The following DMD variants were observed in gnomAD, a reference collection of about 807,000 sequenced individuals.
DMD encodes mutant dystrophin.
DMD carries 63 observed loss-of-function variants against 330.1 expected under a neutral mutation model. The ratio of observed to expected loss-of-function variants is 0.19; its 90% CI spans 0.16 to 0.24. The LOEUF is 0.24. Ranked by LOEUF, DMD falls within the 10% of genes least tolerant of loss-of-function variation. The probability of loss-of-function intolerance (pLI) is 1.00; values close to 1 mark genes in which losing one functional copy is unlikely to be tolerated. For synonymous variants in DMD, 1,223 were observed against 959.8 expected (o/e 1.27, Z -5.07); for missense variants, 3,344 against 2,684.1 (o/e 1.25, Z -5.43).
chrX:32,241,100 T>A (rs1196974451), intron 43 of DMD, among the ~76,000 whole-genome samples: 1 of 112,177 alleles, frequency 8.9e-6, no homozygotes, highest in African/African-American at 3.2e-5. Flanking sequence ...TTGTTTTTAT[T>A]CCCTTAGCGT....
chrX:32,054,166 G>C (rs1341341053), intron 44 of DMD, among the ~76,000 whole-genome samples: 4 of 102,953 alleles, frequency 3.9e-5, no homozygotes, highest in African/African-American at 1.4e-4. Context: ...AAGAAAATAA[G>C]TCAGGAGCAT....
intron 44 of DMD, among the ~76,000 whole-genome samples, chrX:32,115,457 G>A (rs753087019): frequency 9.0e-6 from 1 of 111,011 alleles, no homozygotes; most frequent in East Asian, 2.9e-4. Flanking sequence ...TACCCAGGCT[G>A]GTCTTGGACT....
At chrX:31,523,145 C>T (rs1339659002) in intron 55 of DMD, among the ~76,000 whole-genome samples, 1 of 110,961 alleles carries the variant, frequency 9.0e-6, no homozygotes, top group African/African-American at 3.3e-5. Flanking sequence ...TAGAAGTTCC[C>T]AAGTGATGCC....
intron 1 of DMD, among the ~76,000 whole-genome samples, chrX:33,313,906 C>T (rs1417126329): frequency 9.0e-6 from 1 of 110,872 alleles, no homozygotes; most frequent in Non-Finnish European, 1.9e-5. Context: ...TTCATAATCC[C>T]AAGTCAAACC....
At chrX:32,424,725 A>G (rs1470219018) in intron 29 of DMD, among the ~76,000 whole-genome samples, 2 of 110,225 alleles carry the variant, frequency 1.8e-5, no homozygotes, top group Non-Finnish European at 3.8e-5. Context: ...ACATTTTGGG[A>G]AAAACAGCCA....
chrX:32,355,300 T>C (rs190051344), intron 37 of DMD, among the ~76,000 whole-genome samples: 148 of 111,279 alleles, frequency 1.3e-3, no homozygotes, highest in African/African-American at 4.8e-3. Flanking sequence ...GACTGAGATC[T>C]AGTATTTGCT....
At chrX:32,668,091 G>C (rs1438411374) in intron 9 of DMD, among the ~76,000 whole-genome samples, 4 of 110,926 alleles carry the variant, frequency 3.6e-5, no homozygotes, top group Non-Finnish European at 5.7e-5. Context: ...GGAGGTTGCA[G>C]TGAGCCGAGA....
intron 1 of DMD, among the ~76,000 whole-genome samples, chrX:33,040,499 CTG>C (rs1359039320): frequency 9.0e-6 from 1 of 110,777 alleles, no homozygotes. Flanking sequence ...TTGCTGAAAA[CTG>C]AGGATGGAAC....
intron 1 of DMD, among the ~76,000 whole-genome samples, chrX:33,200,449 G>T (rs1226305643): frequency 9.0e-6 from 1 of 110,998 alleles, no homozygotes; most frequent in Non-Finnish European, 1.9e-5. Context: ...AAAAAGAGAA[G>T]ATCTATGCAC....
intron 48 of DMD, among the ~76,000 whole-genome samples, chrX:31,847,234 A>G (rs371071550): frequency 1.8e-5 from 2 of 111,765 alleles, no homozygotes; most frequent in East Asian, 5.6e-4. Context: ...TTAAGTACCC[A>G]TATGAGATTT....
intron 55 of DMD, among the ~76,000 whole-genome samples, chrX:31,622,843 ATT>A (rs35490289): frequency 8.3e-5 from 6 of 72,055 alleles, no homozygotes; most frequent in Admixed American, 3.8e-4. Context: ...TCTCAGAAAA[ATT>A]TTATATATAT....
At chrX:32,309,059 T>C (rs1205967302) in intron 42 of DMD, among the ~76,000 whole-genome samples, 1 of 111,483 alleles carries the variant, frequency 9.0e-6, no homozygotes, top group Non-Finnish European at 1.9e-5. Flanking sequence ...ATGGATGGAA[T>C]AGTTCCAGAG....
intron 61 of DMD, among the ~76,000 whole-genome samples, chrX:31,337,835 T>C (rs1375407794): frequency 2.7e-5 from 3 of 111,982 alleles, no homozygotes; most frequent in South Asian, 7.5e-4. Flanking sequence ...ATTTGTCTCA[T>C]CTCTTCCATG....
chrX:31,832,230 T>C (rs2093065108), intron 49 of DMD, among the ~76,000 whole-genome samples: 1 of 112,253 alleles, frequency 8.9e-6, no homozygotes, highest in Non-Finnish European at 1.9e-5. Flanking sequence ...TTTCGACCAA[T>C]GAAATACCAT....
chrX:32,839,316 C>A (rs2079946117), intron 4 of DMD, among the ~76,000 whole-genome samples: 2 of 111,731 alleles, frequency 1.8e-5, no homozygotes, highest in South Asian at 3.7e-4. Context: ...GGCTCACTCC[C>A]TTTCTCCAGG....
intron 59 of DMD, among the ~76,000 whole-genome samples, chrX:31,476,099 C>A (rs1480859131): frequency 1.8e-5 from 2 of 108,663 alleles, no homozygotes; most frequent in African/African-American, 6.7e-5. Flanking sequence ...TTAAGTGTGA[C>A]AATTTAGCAT....
chrX:32,151,527 T>C (rs2096803481), intron 44 of DMD: 2 of 111,629 alleles, frequency 1.8e-5, no homozygotes, highest in South Asian at 3.7e-4. Context: ...GAAACAAGAC[T>C]ACTGCTTCCA....
rs759026730 is a variant in DMD, at chrX:31,348,726, T to C, written c.9085-92A>G. 9.0e-5 allele frequency: 68 copies of C among 757,782 alleles called. 1 individual carries two copies. In the East Asian group the frequency reaches 1.7e-3, roughly 19 times the overall value. The allele number at this position is 757,782 out of a possible 1,213,427, so 62.4% of individuals were successfully genotyped here. A position where few individuals can be genotyped will look rare whatever the true frequency, so the allele number is the denominator to read the frequency against. ...ATCCTTTCTGATAAGATACTTTGAG[T>C]CTCCAAGACTGAGAACACTAAAGCA... On this transcript the variant is annotated intron_variant, in intron 60 of 78. Coordinates refer to ENST00000357033, the MANE Select transcript of DMD (RefSeq NM_004006.3).
At chrX:33,195,382 C>T (rs1483280023) in intron 1 of DMD, among the ~76,000 whole-genome samples, 4 of 111,470 alleles carry the variant, frequency 3.6e-5, no homozygotes, top group Non-Finnish European at 7.5e-5. Flanking sequence ...CCTCAAAGGA[C>T]AGCAGCCCTG....
Sources: gnomAD v4.1 joint callset for allele counts (sites outside exome capture counted in the v4.1 genomes callset) on GRCh38, gnomAD v4.1.1 for gene constraint, MANE v1.5 for transcripts, NCBI Gene and HGNC (gene_info 2026-07-23, HGNC 2026-07-21) for gene names.